Variants in LRP1B observed in about 807,000 individuals in gnomAD.
LRP1B encodes low-density lipoprotein receptor-related protein 1B.
Under a neutral mutation model 556.6 loss-of-function variants are expected in LRP1B, and 217 were observed. The ratio of observed to expected loss-of-function variants is 0.39; its 90% confidence interval spans 0.35 to 0.44. The LOEUF is 0.44. LRP1B is among the 20% of genes least tolerant of loss of function. The probability of loss-of-function intolerance (pLI) is 1.00; values close to 1 mark genes in which losing one functional copy is unlikely to be tolerated. For missense variants in LRP1B, 5,053 were observed against 5,620.8 expected, an observed-to-expected ratio of 0.90 and a Z score of 3.23; for synonymous variants, 2,047 against 1,865.8, an observed-to-expected ratio of 1.10 and a Z score of -2.50.
intron 33 of LRP1B, among the ~76,000 whole-genome samples, chr2:140,772,843 T>A (rs371131429): frequency 3.3e-5 from 5 of 152,054 alleles, no homozygotes; most frequent in Non-Finnish European, 7.4e-5. Flanking sequence ...ACAGTGCTCA[T>A]ACCTGTAATC....
intron 41 of LRP1B, among the ~76,000 whole-genome samples, chr2:140,617,008 A>T (rs756194027): frequency 1.3e-5 from 2 of 151,956 alleles, no homozygotes; most frequent in Non-Finnish European, 2.9e-5. Flanking sequence ...TGGGCTTCAC[A>T]TGTGCTAATT....
intron 7 of LRP1B, among the ~76,000 whole-genome samples, chr2:141,079,406 T>C (rs931523519): frequency 4.6e-5 from 7 of 152,232 alleles, no homozygotes; most frequent in Non-Finnish European, 8.8e-5. Flanking sequence ...GAAAGGTTAA[T>C]TGATGCATGT....
intron 66 of LRP1B, among the ~76,000 whole-genome samples, chr2:140,387,875 T>C (rs1683830376): frequency 6.6e-6 from 1 of 152,074 alleles, no homozygotes; most frequent in Non-Finnish European, 1.5e-5. Context: ...ACTCTAAAAA[T>C]ACTGTTCCAT....
At chr2:141,620,561 C>T (rs1280894454) in intron 2 of LRP1B, among the ~76,000 whole-genome samples, 1 of 152,026 alleles carries the variant, frequency 6.6e-6, no homozygotes, top group African/African-American at 2.4e-5. Context: ...ACAGTGTATA[C>T]TTTTTTCTGT....
intron 35 of LRP1B, among the ~76,000 whole-genome samples, chr2:140,719,657 A>G (rs1351392487): frequency 6.6e-6 from 1 of 152,096 alleles, no homozygotes; most frequent in Admixed American, 6.6e-5. Flanking sequence ...CACATGTACT[A>G]TAGGTAGTTT....
chr2:140,490,036 A>T (rs1417408083), intron 57 of LRP1B, among the ~76,000 whole-genome samples: 2 of 152,106 alleles, frequency 1.3e-5, no homozygotes, highest in Non-Finnish European at 2.9e-5. Context: ...TGCAAGAAAC[A>T]TTAAAACAGC....
At chr2:140,629,939 T>C (rs1683818773) in intron 41 of LRP1B, among the ~76,000 whole-genome samples, 1 of 152,160 alleles carries the variant, frequency 6.6e-6, no homozygotes, top group East Asian at 1.9e-4. Flanking sequence ...ATGGGAAGTA[T>C]AGTGAGGATA....
chr2:140,894,522 C>T (rs1373371231), intron 23 of LRP1B, among the ~76,000 whole-genome samples: 4 of 111,652 alleles, frequency 3.6e-5, no homozygotes, highest in Non-Finnish European at 6.6e-5. Context: ...GGTTGTGAGC[C>T]CTGAAGACCA....
chr2:140,400,355 T>C (rs1042810090), intron 66 of LRP1B, among the ~76,000 whole-genome samples: 2 of 152,202 alleles, frequency 1.3e-5, no homozygotes, highest in African/African-American at 4.8e-5. Context: ...CTGAGGATTC[T>C]ACACTATCTC....
rs113493406 is a variant in LRP1B, at chr2:140,982,236, C to T, written c.2811G>A (p.Gly937=). The change falls in exon 18 of 91, where the codon GGG becomes GGA. Residue 937 remains glycine, a synonymous_variant. Coordinates refer to ENST00000389484, the MANE Select transcript of LRP1B (RefSeq NM_018557.3). ...CQVDQFSCGN[G]RCIPRAWLCD... is the part of the protein sequence containing the mutation. ...ACAGCCATGCTCTGGGAATGCAACGCCCATTTCCGCAAGAAAACTGGTCTA... is the reference window on the plus strand; with the variant it reads ...ACAGCCATGCTCTGGGAATGCAACGTCCATTTCCGCAAGAAAACTGGTCTA... 825 of 1,613,314 alleles carry T rather than the reference C, an allele frequency of 5.1e-4. 1 individual carries two copies. In the African/African-American group the frequency reaches 9.8e-3, roughly 19 times the overall value.
In LRP1B at chr2:141,058,806, C is replaced by T. The variant is rs561323355; in HGVS notation, c.1408+77G>A. 6.3e-6 allele frequency: 8 copies of T among 1,260,366 alleles called. No homozygotes were observed. The South Asian group carries it at 1.5e-4, about 23-fold the overall frequency. The allele number at this position is 1,260,366 out of a possible 1,614,324, so 78.1% of individuals were successfully genotyped here. A position where few individuals can be genotyped will look rare whatever the true frequency, so the allele number is the denominator to read the frequency against. ...AGAATTTATGACTCACTCACTTCAACACCATACAAAAGCACAAGGACTATA... is the reference window on the plus strand; with the variant it reads ...AGAATTTATGACTCACTCACTTCAATACCATACAAAAGCACAAGGACTATA... On this transcript the variant is annotated intron_variant, in intron 9 of 90. Transcript: ENST00000389484.
chr2:142,062,786 A>G (rs1704968915), intron 1 of LRP1B, among the ~76,000 whole-genome samples: 1 of 151,812 alleles, frequency 6.6e-6, no homozygotes, highest in Non-Finnish European at 1.5e-5. Context: ...AAGGTATCAA[A>G]AACAAATATG....
chr2:141,059,776 G>A (rs1354193107), intron 8 of LRP1B, among the ~76,000 whole-genome samples: 1 of 151,772 alleles, frequency 6.6e-6, no homozygotes, highest in African/African-American at 2.4e-5. Context: ...AGTTTGTGGG[G>A]AGGAATGGAT....
intron 3 of LRP1B, among the ~76,000 whole-genome samples, chr2:141,291,513 G>A (rs984511790): frequency 4.0e-5 from 6 of 151,698 alleles, no homozygotes; most frequent in South Asian, 2.1e-4. Context: ...TCAATTTTAC[G>A]GCAAAATCTA....
Position 140,326,678 on chromosome 2 carries a change from A to G in LRP1B, c.12224-800T>C, listed in dbSNP as rs542707101. The stretch of plus-strand genomic sequence containing the variant: ...CAGTGAGCTGAGATCAGCCTAGGCA[A>G]CAGAGTGAGACCCCCTGCCTCAAAA... On this transcript the variant is annotated intron_variant, in intron 79 of 90. Coordinates refer to ENST00000389484, the MANE Select transcript of LRP1B (RefSeq NM_018557.3). Among the ~76,000 whole-genome samples the G allele has an allele frequency of 1.6e-4, 24 of 151,666 alleles. No homozygotes were observed. In the East Asian group the frequency reaches 1.9e-3, roughly 12 times the overall value.
chr2:142,109,318 C>T (rs929335947), intron 1 of LRP1B, among the ~76,000 whole-genome samples: 22 of 152,222 alleles, frequency 1.4e-4, no homozygotes, highest in African/African-American at 5.1e-4. Flanking sequence ...TAATGAGTTC[C>T]GTGATCACAC....
intron 21 of LRP1B, among the ~76,000 whole-genome samples, chr2:140,917,081 C>A (rs913080443): frequency 6.6e-6 from 1 of 152,098 alleles, no homozygotes; most frequent in African/African-American, 2.4e-5. Context: ...GGCAAATGAA[C>A]ATTTGAAAAT....
chr2:141,873,849 A>G (rs373647266), intron 1 of LRP1B, among the ~76,000 whole-genome samples: 12 of 151,946 alleles, frequency 7.9e-5, no homozygotes, highest in African/African-American at 2.6e-4. Context: ...CCACTTTTTT[A>G]TGTAAAATAT....
At chr2:141,977,945 G>T (rs1035291210) in intron 1 of LRP1B, among the ~76,000 whole-genome samples, 1 of 151,970 alleles carries the variant, frequency 6.6e-6, no homozygotes, top group African/African-American at 2.4e-5. Context: ...TTATGTAAGA[G>T]AACTACTTAC....
Sources: allele counts gnomAD v4.1 joint callset (sites outside exome capture counted in the v4.1 genomes callset), GRCh38; gene constraint gnomAD v4.1.1; transcripts MANE v1.5; gene names NCBI Gene and HGNC (gene_info 2026-07-23, HGNC 2026-07-21).